Variants in CIB1 observed in about 807,000 individuals in gnomAD.
CIB1 encodes the protein calcium and integrin binding 1.
Under a neutral mutation model 25.0 loss-of-function variants are expected in CIB1, and 19 were observed. That is an observed-to-expected ratio of 0.76 (90% CI 0.53 to 1.12). The LOEUF is 1.12. Among genes scored for constraint, CIB1 ranks in the 50% most tolerant of loss-of-function variants. The pLI, the probability that CIB1 is intolerant of heterozygous loss-of-function variation, is 0.00. For synonymous variants in CIB1, 104 were observed against 98.5 expected, an observed-to-expected ratio of 1.06 and a Z score of -0.33; for missense variants, 236 against 242.6, an observed-to-expected ratio of 0.97 and a Z score of 0.18.
the CIB1 span, chr15:90,258,307 C>T: frequency 2.5e-6 from 4 of 1,576,514 alleles, no homozygotes; most frequent in Admixed American, 1.7e-5. Flanking sequence ...AACCAAGGTC[C>T]AGAGGCCTCC....
At chr15:90,264,635 T>C in the CIB1 span, 1 of 1,456,328 alleles carries the variant, frequency 6.9e-7, no homozygotes, top group Non-Finnish European at 9.2e-7. Context: ...TTCCTCTGTG[T>C]TGGTAATTGG....
At chr15:90,251,481 T>C in the CIB1 span, 11 of 1,410,954 alleles carry the variant, frequency 7.8e-6, no homozygotes, top group Non-Finnish European at 1.1e-5. Context: ...TGTGAATTTG[T>C]TGGATGTCTT....
At chr15:90,252,071 C>CTTTT in the CIB1 span, among the ~76,000 whole-genome samples, 1 of 122,812 alleles carries the variant, frequency 8.1e-6, no homozygotes, top group African/African-American at 2.9e-5. Context: ...CCGAGTTTTG[C>CTTTT]TCTTGTTGCC....
chr15:90,233,778 C>T, intron 1 of CIB1, 57 bp downstream of exon 1: 2 of 1,551,502 alleles, frequency 1.3e-6, no homozygotes, highest in South Asian at 1.2e-5. Context: ...GCTCCCGGAC[C>T]CTGCTCCCGA....
At chr15:90,262,971 G>A in the CIB1 span, 1 of 1,535,622 alleles carries the variant, frequency 6.5e-7, no homozygotes, top group South Asian at 1.2e-5. Flanking sequence ...TGTAGCTGCT[G>A]CCGGGACAGC....
the CIB1 span, chr15:90,262,119 C>A: frequency 6.5e-7 from 1 of 1,535,944 alleles, no homozygotes; most frequent in Non-Finnish European, 8.7e-7. Context: ...GAGAAGTATG[C>A]CCGCTTCTTC....
chr15:90,264,651 A>G, the CIB1 span: 1 of 1,499,574 alleles, frequency 6.7e-7, no homozygotes, highest in African/African-American at 1.4e-5. Flanking sequence ...ATTGGGCCAC[A>G]GTTGGGAAAG....
upstream of CIB1, among the ~76,000 whole-genome samples, chr15:90,238,043 T>TA (rs1214873588): frequency 6.6e-6 from 1 of 152,244 alleles, no homozygotes; most frequent in Non-Finnish European, 1.5e-5. Context: ...CTCACGCCTG[T>TA]AATCCCAGCA....
At chr15:90,250,033 C>G in the CIB1 span, among the ~76,000 whole-genome samples, 1 of 151,646 alleles carries the variant, frequency 6.6e-6, no homozygotes, top group Non-Finnish European at 1.5e-5. Flanking sequence ...TCTCGGCTCA[C>G]TGCAACCTCC....
the CIB1 span, chr15:90,263,045 T>C: frequency 6.5e-7 from 1 of 1,536,060 alleles, no homozygotes; most frequent in Non-Finnish European, 8.7e-7. Context: ...AAGGCCCTGC[T>C]ACAAAGGGAG....
At chr15:90,246,021 C>A in the CIB1 span, among the ~76,000 whole-genome samples, 3 of 152,114 alleles carry the variant, frequency 2.0e-5, no homozygotes, top group Non-Finnish European at 4.4e-5. Context: ...CTCCTGTAAT[C>A]CCAGCACTTT....
At chr15:90,232,048 G>T (rs762622360) in intron 3 of CIB1, among the ~76,000 whole-genome samples, 171 bp downstream of exon 3, 62 of 152,218 alleles carry the variant, frequency 4.1e-4, no homozygotes, top group Non-Finnish European at 3.7e-4. Flanking sequence ...AGATAATTCT[G>T]CCAGGTGATT....
At chr15:90,241,115 G>A in the CIB1 span, 1 of 1,614,162 alleles carries the variant, frequency 6.2e-7, no homozygotes, top group Non-Finnish European at 8.5e-7. Flanking sequence ...CCTGGAAGCA[G>A]CGGGTGGAGC....
the CIB1 span, chr15:90,262,661 G>A: frequency 4.0e-6 from 6 of 1,487,954 alleles, no homozygotes; most frequent in Non-Finnish European, 5.3e-6. Context: ...CCGCAACTGG[G>A]AGAAAGAGGT....
At chr15:90,231,754 C>G (rs1348889838) in intron 3 of CIB1, among the ~76,000 whole-genome samples, 1 of 152,172 alleles carries the variant, frequency 6.6e-6, no homozygotes. Context: ...TCACATACAA[C>G]GTAAGTGTGG....
the CIB1 span, chr15:90,263,853 T>C: frequency 1.2e-6 from 1 of 848,966 alleles, no homozygotes; most frequent in Admixed American, 2.0e-5. Context: ...ATTTCCTGCA[T>C]CCAGTTCTGC....
chr15:90,247,895 ATTTTTATT>A, the CIB1 span, among the ~76,000 whole-genome samples: 3 of 151,076 alleles, frequency 2.0e-5, no homozygotes, highest in Admixed American at 6.6e-5. Context: ...TGCCCAGCTA[ATTTTTATT>A]TTTTTATTTT....
chr15:90,243,690 C>T, the CIB1 span: 1 of 138,526 alleles, frequency 7.2e-6, no homozygotes, highest in Non-Finnish European at 1.5e-5. Flanking sequence ...TCACTGTCAC[C>T]CAGGCTGGAG....
chr15:90,237,697 A>T (rs1962665029), upstream of CIB1, among the ~76,000 whole-genome samples: 1 of 151,984 alleles, frequency 6.6e-6, no homozygotes, highest in African/African-American at 2.4e-5. Flanking sequence ...GTCTAAGATT[A>T]TCTCTTTTTT....
Sources: gnomAD v4.1 joint callset for allele counts (sites outside exome capture counted in the v4.1 genomes callset) on GRCh38, gnomAD v4.1.1 for gene constraint, MANE v1.5 for transcripts, NCBI Gene and HGNC (gene_info 2026-07-23, HGNC 2026-07-21) for gene names.